CCSER1: variants seen among roughly 807,000 people sequenced by gnomAD.
The protein encoded by CCSER1 is coiled-coil serine rich protein 1.
Under a neutral mutation model 82.0 loss-of-function variants are expected in CCSER1, and 41 were observed. The observed-to-expected ratio is 0.50, with a 90% CI of 0.39 to 0.65. CCSER1 has a LOEUF of 0.65. Among genes scored for constraint, CCSER1 ranks in the 30% least tolerant of loss-of-function variants. CCSER1 has a pLI of 0.00. For missense variants in CCSER1, 1,119 were observed against 1,064.2 expected (o/e 1.05, Z -0.72); for synonymous variants, 414 against 383.9 (o/e 1.08, Z -0.92).
At chr4:90,138,621 T>G (rs1450039963) in intron 1 of CCSER1, among the ~76,000 whole-genome samples, 1 of 152,182 alleles carries the variant, frequency 6.6e-6, no homozygotes, top group African/African-American at 2.4e-5. Context: ...CACAGGCCAA[T>G]TTGGAGAATG....
At position 90,993,905 on chromosome 4, in the gene CCSER1, G is replaced by A. The variant is rs1016525379; in HGVS notation, c.2172+70458G>A. 2.6e-5 allele frequency among the ~76,000 whole-genome samples: 4 copies of A among 152,156 alleles called. No individual in the cohort carries two copies. The East Asian group carries it at 7.7e-4, about 29-fold the overall frequency. On this transcript the variant is annotated intron_variant, in intron 9 of 10. Coordinates refer to ENST00000509176, the MANE Select transcript of CCSER1 (RefSeq NM_001145065.2). Reference sequence around the variant, plus strand: ...ATATAGTAGGTATTTAATAATTTGAGTAATTGATAAATACTACTTATTATA... The same window carrying A: ...ATATAGTAGGTATTTAATAATTTGAATAATTGATAAATACTACTTATTATA...
intron 10 of CCSER1, among the ~76,000 whole-genome samples, chr4:91,461,891 C>T (rs1441538329): frequency 6.6e-6 from 1 of 152,094 alleles, no homozygotes; most frequent in African/African-American, 2.4e-5. Context: ...AGGACCATAG[C>T]CCATTTATGG....
intron 10 of CCSER1, among the ~76,000 whole-genome samples, chr4:91,348,367 T>G (rs940377369): frequency 6.6e-6 from 1 of 152,170 alleles, no homozygotes. Context: ...TATACATTGT[T>G]GGATTTAATG....
chr4:91,595,943 T>TAAA (rs1170927227), intron 10 of CCSER1, among the ~76,000 whole-genome samples: 36 of 78,854 alleles, frequency 4.6e-4, no homozygotes, highest in African/African-American at 1.7e-3. Flanking sequence ...ACAGAGAACT[T>TAAA]AAAAAAAAAA....
intron 10 of CCSER1, among the ~76,000 whole-genome samples, chr4:91,592,366 T>C (rs1764309579): frequency 6.6e-6 from 1 of 152,162 alleles, no homozygotes; most frequent in Non-Finnish European, 1.5e-5. Flanking sequence ...TTACGGGAAC[T>C]ACAACTCAAG....
chr4:90,777,577 A>G (rs1265748325), intron 7 of CCSER1, among the ~76,000 whole-genome samples: 3 of 152,134 alleles, frequency 2.0e-5, no homozygotes, highest in Non-Finnish European at 2.9e-5. Context: ...CTCCATCTAT[A>G]TACTTAACTG....
chr4:90,512,482 A>G (rs1319322939), intron 5 of CCSER1, among the ~76,000 whole-genome samples: 1 of 152,192 alleles, frequency 6.6e-6, no homozygotes, highest in East Asian at 1.9e-4. Flanking sequence ...CATTCTTAGT[A>G]GTTCAACAGA....
chr4:90,648,254 A>G (rs1560878712), intron 6 of CCSER1, among the ~76,000 whole-genome samples: 2 of 122,676 alleles, frequency 1.6e-5, no homozygotes, highest in South Asian at 2.5e-4. Flanking sequence ...TAAAGGAAAA[A>G]AAGAAGAAAG....
intron 8 of CCSER1, among the ~76,000 whole-genome samples, chr4:90,910,011 C>G (rs559178284): frequency 2.4e-4 from 36 of 152,268 alleles, no homozygotes; most frequent in African/African-American, 7.7e-4. Flanking sequence ...CAGGCCCTAA[C>G]AGGAAGCATG....
At chr4:91,019,555 TA>T (rs1216897277) in intron 9 of CCSER1, among the ~76,000 whole-genome samples, 3 of 152,188 alleles carry the variant, frequency 2.0e-5, no homozygotes, top group African/African-American at 7.2e-5. Flanking sequence ...ATAAGACAAA[TA>T]AGGTAAAACC....
Position 91,256,073 on chromosome 4 carries a change from CA to C in CCSER1, c.2217+170081del, listed in dbSNP as rs59533936. Among the ~76,000 whole-genome samples the C allele has an allele frequency of 6.9e-3, 1,051 of 152,196 alleles. 13 individuals carry two copies. The highest frequency in any genetic ancestry group is 0.024 in the African/African-American group (1,014 of 41,532). On this transcript the variant is annotated intron_variant, in intron 10 of 10. Coordinates refer to ENST00000509176, the MANE Select transcript of CCSER1 (RefSeq NM_001145065.2). ...AAAAATGAGTAAGAGAAATATCGCT[CA>C]ATTCTTTCCCCAGTAAGGAATATTA...
intron 10 of CCSER1, among the ~76,000 whole-genome samples, chr4:91,453,822 A>G (rs1486926277): frequency 6.6e-6 from 1 of 152,084 alleles, no homozygotes; most frequent in African/African-American, 2.4e-5. Context: ...TCATTATATC[A>G]CATATTTTCA....
Position 91,258,952 on chromosome 4 carries a change from G to A in CCSER1, c.2217+172958G>A, listed in dbSNP as rs538834972. 3.9e-5 allele frequency among the ~76,000 whole-genome samples: 6 copies of A among 152,112 alleles called. No individual in the cohort carries two copies. In the East Asian group the frequency reaches 1.2e-3, roughly 29 times the overall value. On this transcript the variant is annotated intron_variant, in intron 10 of 10. Coordinates refer to ENST00000509176, the MANE Select transcript of CCSER1 (RefSeq NM_001145065.2). Reference sequence around the variant, plus strand: ...TTCCTTTTCATACATCTATGAAGTAGGAACCTGAGAGCGATTGCTCAAAAA... The same window carrying A: ...TTCCTTTTCATACATCTATGAAGTAAGAACCTGAGAGCGATTGCTCAAAAA...
rs148186040 is a variant in CCSER1 at position 91,383,576 on chromosome 4, A to G, written c.2218-214996A>G. On this transcript the variant is annotated intron_variant, in intron 10 of 10. Coordinates refer to ENST00000509176, the MANE Select transcript of CCSER1 (RefSeq NM_001145065.2). ...AGTTTAGGATAAATAGTTCAATCAT[A>G]TTTTTTAGGACAAACTATAGCCACT... 2.9e-3 allele frequency among the ~76,000 whole-genome samples: 444 copies of G among 152,182 alleles called. 1 individual carries two copies. The highest frequency in any genetic ancestry group is 7.7e-3 in the Admixed American group (118 of 15,256).
chr4:90,782,943 G>T (rs1754004494), intron 7 of CCSER1, among the ~76,000 whole-genome samples: 1 of 150,322 alleles, frequency 6.7e-6, no homozygotes, highest in African/African-American at 2.5e-5. Context: ...GCCTCCCGAA[G>T]TGCGTTTTGA....
chr4:91,252,706 G>A (rs1175992972), intron 10 of CCSER1, among the ~76,000 whole-genome samples: 3 of 151,950 alleles, frequency 2.0e-5, no homozygotes, highest in African/African-American at 7.3e-5. Flanking sequence ...AAAGAAGCAG[G>A]GTTTGTGTAT....
At chr4:91,473,903 G>A (rs201935080) in intron 10 of CCSER1, among the ~76,000 whole-genome samples, 1 of 152,048 alleles carries the variant, frequency 6.6e-6, no homozygotes, top group East Asian at 1.9e-4. Flanking sequence ...CTGTTTCTTT[G>A]TTAACCTCAA....
At chr4:91,291,922 A>G (rs751154539) in intron 10 of CCSER1, among the ~76,000 whole-genome samples, 1 of 152,100 alleles carries the variant, frequency 6.6e-6, no homozygotes, top group Non-Finnish European at 1.5e-5. Context: ...GGTTTACCCA[A>G]CATCCAAGAC....
chr4:90,316,712 T>C (rs951290840), intron 3 of CCSER1, among the ~76,000 whole-genome samples: 1 of 152,212 alleles, frequency 6.6e-6, no homozygotes, highest in African/African-American at 2.4e-5. Flanking sequence ...ATTAAGATGC[T>C]GAGCATTTCC....
Sources: gnomAD v4.1 joint callset for allele counts (sites outside exome capture counted in the v4.1 genomes callset) on GRCh38, gnomAD v4.1.1 for gene constraint, MANE v1.5 for transcripts, NCBI Gene and HGNC (gene_info 2026-07-23, HGNC 2026-07-21) for gene names.